Variants in SMYD3 observed in about 807,000 individuals in gnomAD.
SMYD3 encodes the protein histone-lysine N-methyltransferase SMYD3.
A neutral mutation model predicts 57.7 loss-of-function variants in SMYD3; 36 were observed. The observed-to-expected ratio is 0.62, with a 90% CI of 0.48 to 0.82. The LOEUF is 0.82. Ranked by LOEUF, SMYD3 falls within the 40% of genes least tolerant of loss-of-function variation. The probability of loss-of-function intolerance (pLI) is 0.00; values close to 1 mark genes in which losing one functional copy is unlikely to be tolerated. For missense variants in SMYD3, 515 were observed against 538.8 expected (o/e 0.96, Z 0.44); for synonymous variants, 211 against 195.0 (o/e 1.08, Z -0.68).
chr1:245,765,225 A>T (rs1392008198), intron 10 of SMYD3, among the ~76,000 whole-genome samples: 133 of 63,522 alleles, frequency 2.1e-3, no homozygotes, highest in African/African-American at 9.6e-3. Context: ...TTCTCTATTA[A>T]AAAAAAAAAA....
chr1:245,758,323 ATCATG>A (rs1298507333), intron 11 of SMYD3, among the ~76,000 whole-genome samples: 1 of 152,052 alleles, frequency 6.6e-6, no homozygotes, highest in Admixed American at 6.6e-5. Context: ...TCCATATGAG[ATCATG>A]TCATCTGTAT....
At chr1:246,382,066 G>A (rs2066395949) in intron 1 of SMYD3, among the ~76,000 whole-genome samples, 1 of 149,324 alleles carries the variant, frequency 6.7e-6, no homozygotes, top group Admixed American at 6.6e-5. Flanking sequence ...CAGGCCAACC[G>A]TGGGCTCCAG....
chr1:246,099,683 C>T (rs777867843), intron 5 of SMYD3, among the ~76,000 whole-genome samples: 1 of 152,074 alleles, frequency 6.6e-6, no homozygotes, highest in Non-Finnish European at 1.5e-5. Context: ...AAAAAAAACA[C>T]CCTTGGCATA....
At chr1:246,205,759 C>T (rs1197773107) in intron 5 of SMYD3, among the ~76,000 whole-genome samples, 1 of 152,064 alleles carries the variant, frequency 6.6e-6, no homozygotes, top group East Asian at 1.9e-4. Context: ...GGCGAGGTTG[C>T]ATTGAGCTGA....
At chr1:246,316,841 A>T (rs1340741342) in intron 5 of SMYD3, among the ~76,000 whole-genome samples, 2 of 150,946 alleles carry the variant, frequency 1.3e-5, no homozygotes, top group African/African-American at 4.8e-5. Flanking sequence ...TAAAAATATA[A>T]AAATTAGCTG....
intron 5 of SMYD3, among the ~76,000 whole-genome samples, chr1:246,101,781 G>A (rs1344835364): frequency 6.6e-6 from 1 of 152,164 alleles, no homozygotes; most frequent in Non-Finnish European, 1.5e-5. Context: ...CTTCCCGGTA[G>A]GCAAGCGTAA....
At chr1:246,139,752 A>G (rs973046214) in intron 5 of SMYD3, among the ~76,000 whole-genome samples, 5 of 152,212 alleles carry the variant, frequency 3.3e-5, no homozygotes, top group South Asian at 2.1e-4. Context: ...TATTTCTCCA[A>G]TTTTGTTTTG....
intron 10 of SMYD3, among the ~76,000 whole-genome samples, chr1:245,819,126 T>C (rs1338726005): frequency 7.0e-6 from 1 of 143,806 alleles, no homozygotes; most frequent in African/African-American, 2.7e-5. Context: ...TATTCCAAAA[T>C]TGATCACATA....
At chr1:246,247,742 T>C (rs2148491253) in intron 5 of SMYD3, among the ~76,000 whole-genome samples, 1 of 152,180 alleles carries the variant, frequency 6.6e-6, no homozygotes, top group East Asian at 1.9e-4. Context: ...CAGTTAACAC[T>C]TTTTATTTTC....
chr1:245,888,770 A>G (rs1251832134), intron 8 of SMYD3, among the ~76,000 whole-genome samples: 1 of 152,238 alleles, frequency 6.6e-6, no homozygotes, highest in African/African-American at 2.4e-5. Context: ...GAAAGAGCCC[A>G]ATCTGAGTGT....
chr1:246,496,182 G>A (rs1317845112), intron 1 of SMYD3, among the ~76,000 whole-genome samples: 2 of 151,530 alleles, frequency 1.3e-5, no homozygotes, highest in African/African-American at 2.4e-5. Flanking sequence ...GATTACAGGC[G>A]CACACCACCA....
chr1:246,212,092 T>C (rs1002087006), intron 5 of SMYD3, among the ~76,000 whole-genome samples: 1 of 152,092 alleles, frequency 6.6e-6, no homozygotes, highest in African/African-American at 2.4e-5. Context: ...CTGGTAAGGA[T>C]GTAGCGACAT....
chr1:246,192,131 C>T (rs1212212522), intron 5 of SMYD3, among the ~76,000 whole-genome samples: 3 of 152,156 alleles, frequency 2.0e-5, no homozygotes, highest in Non-Finnish European at 2.9e-5. Flanking sequence ...CAAGGTGTCA[C>T]TCTGTCACCC....
At chr1:246,322,790 A>G (rs191737288) in intron 5 of SMYD3, among the ~76,000 whole-genome samples, 1 of 152,356 alleles carries the variant, frequency 6.6e-6, no homozygotes, top group Non-Finnish European at 1.5e-5. Flanking sequence ...CCAACAGATT[A>G]TCACTCAGCA....
intron 10 of SMYD3, among the ~76,000 whole-genome samples, chr1:245,794,929 A>G (rs1432521596): frequency 6.6e-6 from 1 of 152,022 alleles, no homozygotes; most frequent in Non-Finnish European, 1.5e-5. Flanking sequence ...ATAAATTGAA[A>G]ACTTTTATTC....
At chr1:246,142,607 T>C (rs1022958258) in intron 5 of SMYD3, among the ~76,000 whole-genome samples, 2 of 152,202 alleles carry the variant, frequency 1.3e-5, no homozygotes, top group South Asian at 2.1e-4. Flanking sequence ...GAATGATTCA[T>C]GTCCCGGGGG....
At chr1:245,932,769 C>T (rs1183404736) in intron 5 of SMYD3, among the ~76,000 whole-genome samples, 3 of 152,124 alleles carry the variant, frequency 2.0e-5, no homozygotes, top group Non-Finnish European at 4.4e-5. Context: ...GCTATATTGC[C>T]CTGGCTGACC....
At chr1:245,831,810 G>A (rs1439812236) in intron 10 of SMYD3, among the ~76,000 whole-genome samples, 1 of 152,176 alleles carries the variant, frequency 6.6e-6, no homozygotes, top group Non-Finnish European at 1.5e-5. Context: ...CCTGAAAATG[G>A]CACTGATTCT....
intron 1 of SMYD3, among the ~76,000 whole-genome samples, chr1:246,453,281 A>G (rs2067656950): frequency 6.6e-6 from 1 of 152,332 alleles, no homozygotes; most frequent in Non-Finnish European, 1.5e-5. Flanking sequence ...TATATGAAAC[A>G]CGATATCGGA....
Sources: gnomAD v4.1 joint callset for allele counts (sites outside exome capture counted in the v4.1 genomes callset) on GRCh38, gnomAD v4.1.1 for gene constraint, MANE v1.5 for transcripts, NCBI Gene and HGNC (gene_info 2026-07-23, HGNC 2026-07-21) for gene names.